LRRTM4: variants seen among roughly 807,000 people sequenced by gnomAD.
LRRTM4 encodes leucine-rich repeat transmembrane neuronal protein 4.
LRRTM4 carries 25 observed loss-of-function variants against 47.6 expected under a neutral mutation model. The observed-to-expected ratio is 0.53, with a 90% CI of 0.38 to 0.73. LRRTM4 has a LOEUF of 0.73. Among genes scored for constraint, LRRTM4 ranks in the 30% least tolerant of loss-of-function variants. The pLI is 0.00. For synonymous variants in LRRTM4, 311 were observed against 269.5 expected (o/e 1.15, Z -1.51); for missense variants, 638 against 713.4 (o/e 0.89, Z 1.20).
intron 3 of LRRTM4, among the ~76,000 whole-genome samples, chr2:77,264,260 T>G (rs1333011130): frequency 6.6e-6 from 1 of 152,102 alleles, no homozygotes; most frequent in Non-Finnish European, 1.5e-5. Flanking sequence ...TTTTACCCTT[T>G]GTTCTCATGT....
At chr2:77,023,259 G>A (rs1345198435) in intron 3 of LRRTM4, among the ~76,000 whole-genome samples, 1 of 152,160 alleles carries the variant, frequency 6.6e-6, no homozygotes, top group Non-Finnish European at 1.5e-5. Context: ...AGGGACCCTG[G>A]CCCTGACCAT....
chr2:77,488,478 G>A (rs748313814), intron 3 of LRRTM4, among the ~76,000 whole-genome samples: 2 of 152,162 alleles, frequency 1.3e-5, no homozygotes, highest in Non-Finnish European at 2.9e-5. Flanking sequence ...CGAATGGGTG[G>A]AATGAAGCCA....
intron 3 of LRRTM4, among the ~76,000 whole-genome samples, chr2:77,160,187 T>A (rs1558611252): frequency 6.6e-6 from 1 of 152,222 alleles, no homozygotes; most frequent in Non-Finnish European, 1.5e-5. Context: ...GCACAACATC[T>A]GGACACAGTT....
intron 3 of LRRTM4, among the ~76,000 whole-genome samples, chr2:77,149,980 G>C (rs1185730461): frequency 2.6e-5 from 4 of 152,078 alleles, no homozygotes; most frequent in Non-Finnish European, 4.4e-5. Context: ...GTTTCTCTAG[G>C]CAAGGCTGAA....
At chr2:77,490,817 T>C (rs181586837) in intron 3 of LRRTM4, among the ~76,000 whole-genome samples, 2 of 152,248 alleles carry the variant, frequency 1.3e-5, no homozygotes, top group East Asian at 3.9e-4. Context: ...AAACACCCTA[T>C]TGGAACCAAT....
intron 3 of LRRTM4, among the ~76,000 whole-genome samples, chr2:76,756,187 C>T (rs1162993792): frequency 6.6e-6 from 1 of 152,150 alleles, no homozygotes; most frequent in Non-Finnish European, 1.5e-5. Context: ...TTTATCTTAA[C>T]TTAAACATTC....
intron 3 of LRRTM4, among the ~76,000 whole-genome samples, chr2:76,859,869 TATAA>T (rs779303850): frequency 7.9e-5 from 12 of 152,190 alleles, no homozygotes; most frequent in Non-Finnish European, 1.3e-4. Context: ...TATCTTTGAA[TATAA>T]ATAAATATAT....
intron 3 of LRRTM4, among the ~76,000 whole-genome samples, chr2:76,865,207 C>T (rs949640788): frequency 6.6e-6 from 1 of 152,070 alleles, no homozygotes; most frequent in Non-Finnish European, 1.5e-5. Flanking sequence ...CCTGTGGGCT[C>T]CATAGGCAGA....
intron 3 of LRRTM4, among the ~76,000 whole-genome samples, chr2:77,100,022 T>C (rs986285533): frequency 6.6e-6 from 1 of 152,166 alleles, no homozygotes; most frequent in Non-Finnish European, 1.5e-5. Flanking sequence ...TTCTCTAAGC[T>C]ACTGATTGAT....
Position 77,518,462 on chromosome 2 carries a change from C to CT in LRRTM4, c.1406dup (p.Ala470GlyfsTer5). On this transcript the variant is annotated frameshift_variant, in exon 3 of 4. Transcript: ENST00000409884. LOFTEE classifies it high-confidence loss of function. ...TCATTTGTCTTTCAGACTCTCTGGC[C>CT]TTTTTCCGCCGCCTCTTCATAAGAG... 1 of 1,613,312 alleles carries CT rather than the reference C, an allele frequency of 6.2e-7. No individual in the cohort carries two copies. Among genetic ancestry groups the CT allele is most frequent in the Non-Finnish European group, 8.5e-7 (1 of 1,179,592 alleles).
intron 3 of LRRTM4, among the ~76,000 whole-genome samples, chr2:77,166,130 G>A (rs1226064396): frequency 6.6e-6 from 1 of 152,176 alleles, no homozygotes; most frequent in Non-Finnish European, 1.5e-5. Flanking sequence ...TAAAATTAAT[G>A]TGCAAAAATC....
chr2:76,798,134 C>A (rs953550303), intron 3 of LRRTM4, among the ~76,000 whole-genome samples: 1 of 152,112 alleles, frequency 6.6e-6, no homozygotes, highest in Non-Finnish European at 1.5e-5. Flanking sequence ...CACACCAAAT[C>A]AACACAATAT....
chr2:77,396,939 C>T (rs1558723928), intron 3 of LRRTM4, among the ~76,000 whole-genome samples: 1 of 151,908 alleles, frequency 6.6e-6, no homozygotes, highest in Non-Finnish European at 1.5e-5. Context: ...GGATAAATCA[C>T]ATGTAATAGC....
chr2:77,083,219 G>T (rs762250242), intron 3 of LRRTM4, among the ~76,000 whole-genome samples: 2 of 152,192 alleles, frequency 1.3e-5, no homozygotes, highest in Non-Finnish European at 2.9e-5. Context: ...CAAAATGCAG[G>T]AGAGATATTG....
At chr2:77,229,549 C>G (rs1301942746) in intron 3 of LRRTM4, among the ~76,000 whole-genome samples, 6 of 151,934 alleles carry the variant, frequency 3.9e-5, no homozygotes, top group African/African-American at 1.2e-4. Context: ...TCAGAATTAC[C>G]CGGCATCCTT....
At chr2:77,421,199 C>A (rs1430894132) in intron 3 of LRRTM4, among the ~76,000 whole-genome samples, 1 of 152,058 alleles carries the variant, frequency 6.6e-6, no homozygotes, top group Non-Finnish European at 1.5e-5. Flanking sequence ...TGAGTTATTA[C>A]GTCTCCTCTA....
At chr2:76,998,515 C>T (rs1222126456) in intron 3 of LRRTM4, among the ~76,000 whole-genome samples, 2 of 152,048 alleles carry the variant, frequency 1.3e-5, no homozygotes, top group Non-Finnish European at 2.9e-5. Context: ...CACAGAACAA[C>T]AGTAACAACA....
intron 3 of LRRTM4, among the ~76,000 whole-genome samples, chr2:76,803,599 A>C (rs1166653517): frequency 6.6e-6 from 1 of 152,220 alleles, no homozygotes; most frequent in East Asian, 1.9e-4. Context: ...TACTGGGTAC[A>C]TATCCAAAGG....
intron 3 of LRRTM4, among the ~76,000 whole-genome samples, chr2:76,893,525 T>G (rs1030943923): frequency 2.0e-5 from 3 of 151,924 alleles, no homozygotes; most frequent in East Asian, 1.9e-4. Context: ...AAAATACAGA[T>G]AGTTCTACCT....
Sources: allele counts gnomAD v4.1 joint callset (sites outside exome capture counted in the v4.1 genomes callset), GRCh38; gene constraint gnomAD v4.1.1; transcripts MANE v1.5; gene names NCBI Gene and HGNC (gene_info 2026-07-23, HGNC 2026-07-21).